The following MYO9A variants were observed in gnomAD, a reference collection of about 807,000 sequenced individuals.
The protein encoded by MYO9A is unconventional myosin-IXa.
Under a neutral mutation model 293.3 loss-of-function variants are expected in MYO9A, and 103 were observed. The ratio of observed to expected loss-of-function variants is 0.35; its 90% CI spans 0.30 to 0.41. The LOEUF is 0.41. Among genes scored for constraint, MYO9A ranks in the 10% least tolerant of loss-of-function variants. The pLI is 1.00. For missense variants in MYO9A, 2,685 were observed against 3,033.0 expected, an observed-to-expected ratio of 0.89 and a Z score of 2.69; for synonymous variants, 1,001 against 1,035.7, an observed-to-expected ratio of 0.97 and a Z score of 0.64.
intron 2 of MYO9A, among the ~76,000 whole-genome samples, chr15:72,042,492 G>C (rs536550897): frequency 6.6e-6 from 1 of 152,044 alleles, no homozygotes; most frequent in African/African-American, 2.4e-5. Context: ...AACAAGCTAG[G>C]AACAGAAGGG....
intron 19 of MYO9A, among the ~76,000 whole-genome samples, chr15:71,908,588 CCTCCTCTTA>C (rs1412974452): frequency 3.3e-5 from 5 of 152,178 alleles, no homozygotes; most frequent in African/African-American, 1.2e-4. Context: ...TTCCTCCCTT[CCTCCTCTTA>C]CTCCCTGTCT....
chr15:71,921,411 AG>A, intron 18 of MYO9A, among the ~76,000 whole-genome samples: 1 of 152,316 alleles, frequency 6.6e-6, no homozygotes, highest in East Asian at 1.9e-4. Context: ...TGTAATAACA[AG>A]GATCTCAGAT....
Position 71,826,048 on chromosome 15 carries a change from T to TGGAGTGTTTTTTCA in MYO9A, c.*518_*531dup, listed in dbSNP as rs2054484877. 5 of 96,260 alleles carry TGGAGTGTTTTTTCA rather than the reference T, an allele frequency of 5.2e-5. 1 individual carries two copies. In the South Asian group the frequency reaches 1.9e-3, roughly 37 times the overall value. The allele number at this position is 96,260 out of a possible 1,614,324, so 6.0% of individuals were successfully genotyped here. On this transcript the variant is annotated 3_prime_UTR_variant, in exon 42 of 42. Coordinates refer to ENST00000356056, the MANE Select transcript of MYO9A (RefSeq NM_006901.4). ...TTTTTGCTTTCCCCAGAATATAACA[T>TGGAGTGTTTTTTCA]GGAGTGTTTTTTCAGAAATCTTAAA...
chr15:72,051,604 C>T (rs540809140), intron 1 of MYO9A, among the ~76,000 whole-genome samples: 4 of 152,168 alleles, frequency 2.6e-5, no homozygotes, highest in African/African-American at 4.8e-5. Flanking sequence ...GGCCTCTCCT[C>T]ACTCCCAGCA....
At chr15:71,925,796 A>T (rs2058297371) in intron 18 of MYO9A, among the ~76,000 whole-genome samples, 1 of 151,830 alleles carries the variant, frequency 6.6e-6, no homozygotes, top group Non-Finnish European at 1.5e-5. Flanking sequence ...CATACTAGAG[A>T]TTTAAAAGAC....
intron 1 of MYO9A, among the ~76,000 whole-genome samples, chr15:72,069,026 C>T (rs941633955): frequency 1.3e-5 from 2 of 152,198 alleles, no homozygotes; most frequent in Non-Finnish European, 2.9e-5. Context: ...CTAGGATGTG[C>T]ACATCAGCAG....
chr15:71,944,924 A>T (rs548045869), intron 15 of MYO9A, among the ~76,000 whole-genome samples: 21 of 152,292 alleles, frequency 1.4e-4, no homozygotes, highest in African/African-American at 5.1e-4. Context: ...TCTGAGAGAG[A>T]GCTGCATCTC....
chr15:71,887,975 C>A (rs776630988), intron 27 of MYO9A, 29 bp downstream of exon 27: 7 of 1,254,092 alleles, frequency 5.6e-6, no homozygotes, highest in Middle Eastern at 1.9e-4. Flanking sequence ...AATTATATAA[C>A]CCCTGTTAAC....
chr15:72,070,812 C>T (rs1450986766), intron 1 of MYO9A, among the ~76,000 whole-genome samples: 1 of 152,076 alleles, frequency 6.6e-6, no homozygotes, highest in Non-Finnish European at 1.5e-5. Context: ...GAGATGACAC[C>T]CTATTCAATA....
In MYO9A at chr15:72,018,131, C is replaced by A. The variant is rs544512932; in HGVS notation, c.1155+908G>T. Among the ~76,000 whole-genome samples, 7 of 151,878 alleles carry A rather than the reference C, an allele frequency of 4.6e-5. No homozygotes were observed. In the East Asian group the frequency reaches 1.2e-3, roughly 25 times the overall value. ...AAAATTAAAGCAAAATGTACCTATT[C>A]ACTTTATATTACATCATACATCCCC... On this transcript the variant is annotated intron_variant, in intron 6 of 41. Coordinates refer to ENST00000356056, the MANE Select transcript of MYO9A (RefSeq NM_006901.4).
At chr15:71,872,958 G>C (rs1483220630) in intron 32 of MYO9A, among the ~76,000 whole-genome samples, 2 of 150,826 alleles carry the variant, frequency 1.3e-5, no homozygotes, top group African/African-American at 4.9e-5. Context: ...TGTCGCCCAG[G>C]CTGGAGTGCA....
rs71131714 is a variant in MYO9A at position 71,906,758 on chromosome 15, C to CTTTTTTTTTTTTTTTTTTTTTTT, written c.2686-1753_2686-1752insAAAAAAAAAAAAAAAAAAAAAAA. Among the ~76,000 whole-genome samples the CTTTTTTTTTTTTTTTTTTTTTTT allele has an allele frequency of 1.1e-4, 7 of 61,030 alleles. 1 individual carries two copies. The highest frequency in any genetic ancestry group is 3.5e-4 in the East Asian group (1 of 2,892). 40.0% of individuals were successfully genotyped at this position (61,030 alleles called of 152,430 possible). ...CCAATCAGATAATATCCATTTCTTTCTTTTTTTTTTTTTTTTTTTTCCTGA... is the reference window on the plus strand; with the variant it reads ...CCAATCAGATAATATCCATTTCTTTCTTTTTTTTTTTTTTTTTTTTTTTTTTTTTTTTTTTTTTTTTTTCCTGA... On this transcript the variant is annotated intron_variant, in intron 19 of 41. Coordinates refer to ENST00000356056, the MANE Select transcript of MYO9A (RefSeq NM_006901.4).
intron 4 of MYO9A, among the ~76,000 whole-genome samples, chr15:72,027,224 G>A (rs2077701367): frequency 6.6e-6 from 1 of 152,232 alleles, no homozygotes; most frequent in East Asian, 1.9e-4. Flanking sequence ...TAAATGAGAT[G>A]CCCAAGGCAT....
At chr15:71,993,220 C>T (rs1378810545) in intron 10 of MYO9A, among the ~76,000 whole-genome samples, 8 of 151,942 alleles carry the variant, frequency 5.3e-5, no homozygotes, top group African/African-American at 1.5e-4. Context: ...CATTGTGGCA[C>T]GCGCCTATAA....
chr15:71,892,892 G>A, intron 26 of MYO9A: 1 of 970,752 alleles, frequency 1.0e-6, no homozygotes, highest in Non-Finnish European at 1.3e-6. Context: ...AGCTGTGAAG[G>A]TTAGCTTTAG....
At chr15:71,909,815 T>G (rs1294241596) in intron 19 of MYO9A, among the ~76,000 whole-genome samples, 1 of 151,964 alleles carries the variant, frequency 6.6e-6, no homozygotes, top group Non-Finnish European at 1.5e-5. Context: ...AACTGTTCGT[T>G]TTTCTTGCAA....
intron 1 of MYO9A, among the ~76,000 whole-genome samples, chr15:72,115,482 T>G (rs2080938009): frequency 6.6e-6 from 1 of 152,166 alleles, no homozygotes; most frequent in African/African-American, 2.4e-5. Context: ...AACCTAGATT[T>G]TATCCTGTAT....
chr15:71,928,471 T>G (rs2058388291), intron 18 of MYO9A, among the ~76,000 whole-genome samples: 2 of 152,148 alleles, frequency 1.3e-5, no homozygotes, highest in African/African-American at 4.8e-5. Context: ...TTTTTATTTC[T>G]GTGAAAAATG....
At chr15:71,935,189 A>G in intron 17 of MYO9A, 152 bp downstream of exon 17, 1 of 797,640 alleles carries the variant, frequency 1.3e-6, no homozygotes, top group Non-Finnish European at 1.9e-6. Context: ...TGTAAACGCT[A>G]CCTAAATAAC....
Sources: allele counts gnomAD v4.1 joint callset (sites outside exome capture counted in the v4.1 genomes callset), GRCh38; gene constraint gnomAD v4.1.1; transcripts MANE v1.5; gene names NCBI Gene and HGNC (gene_info 2026-07-23, HGNC 2026-07-21).